Variants in CLIC4 observed in about 807,000 individuals in gnomAD.
The protein encoded by CLIC4 is chloride intracellular channel protein 4.
A neutral mutation model predicts 24.6 loss-of-function variants in CLIC4; 13 were observed. That is an observed-to-expected ratio of 0.53 (90% CI 0.34 to 0.84). The LOEUF (loss-of-function observed/expected upper bound fraction) is 0.84, where lower values mean the gene tolerates loss of function less well. Among genes scored for constraint, CLIC4 ranks in the 40% least tolerant of loss-of-function variants. The pLI, the probability that CLIC4 is intolerant of heterozygous loss-of-function variation, is 0.01. For synonymous variants in CLIC4, 104 were observed against 111.3 expected (o/e 0.93, Z 0.41); for missense variants, 227 against 301.7 (o/e 0.75, Z 1.83).
At chr1:24,827,471 T>C (rs901333276) in intron 4 of CLIC4, among the ~76,000 whole-genome samples, 1 of 151,884 alleles carries the variant, frequency 6.6e-6, no homozygotes, top group Non-Finnish European at 1.5e-5. Flanking sequence ...TTAGCATAGA[T>C]TGGTTGAGCT....
chr1:24,762,755 C>G (rs950069961), intron 1 of CLIC4, among the ~76,000 whole-genome samples: 7 of 151,932 alleles, frequency 4.6e-5, no homozygotes, highest in Admixed American at 1.3e-4. Context: ...CATAATACAG[C>G]GGGTAGAAGA....
chr1:24,790,595 G>A (rs1639323240), intron 1 of CLIC4, among the ~76,000 whole-genome samples: 1 of 152,080 alleles, frequency 6.6e-6, no homozygotes, highest in Admixed American at 6.6e-5. Context: ...TGGGGGAATG[G>A]GAGTTGCAGC....
At chr1:24,816,938 A>G (rs890496840) in intron 3 of CLIC4, among the ~76,000 whole-genome samples, 13 of 152,196 alleles carry the variant, frequency 8.5e-5, no homozygotes, top group African/African-American at 2.9e-4. Flanking sequence ...TAGCTTCAGT[A>G]TAATTCTTAA....
intron 1 of CLIC4, among the ~76,000 whole-genome samples, chr1:24,761,191 G>A (rs1638922743): frequency 6.6e-6 from 1 of 152,094 alleles, no homozygotes; most frequent in Non-Finnish European, 1.5e-5. Flanking sequence ...TAGTTCTGAT[G>A]GGGAGGAGAT....
chr1:24,787,680 C>T (rs1023124732), intron 1 of CLIC4, among the ~76,000 whole-genome samples: 7 of 150,880 alleles, frequency 4.6e-5, no homozygotes, highest in Admixed American at 1.3e-4. Flanking sequence ...GGACTACAGG[C>T]GTCTGCCACC....
At chr1:24,763,533 CAAAAAAA>C (rs33955013) in intron 1 of CLIC4, among the ~76,000 whole-genome samples, 29 of 78,960 alleles carry the variant, frequency 3.7e-4, no homozygotes, top group Non-Finnish European at 5.1e-4. Context: ...ACTCCGTCTC[CAAAAAAA>C]AAAAAAAAAA....
At chr1:24,757,135 T>A (rs6670470) in intron 1 of CLIC4, among the ~76,000 whole-genome samples, 8,583 of 152,160 alleles carry the variant, frequency 0.056, 322 homozygotes, top group Middle Eastern at 0.13. Context: ...CCTCAGGTGA[T>A]CCGCCTGCCT....
intron 1 of CLIC4, among the ~76,000 whole-genome samples, chr1:24,775,395 C>A (rs1055400877): frequency 6.6e-6 from 1 of 151,180 alleles, no homozygotes; most frequent in Non-Finnish European, 1.5e-5. Context: ...CTCATTGTCT[C>A]CTTCTGGAAC....
rs781122963 is a variant in CLIC4 at position 24,797,777 on chromosome 1, C to T, written c.108C>T (p.Pro36=). The T allele has an allele frequency of 9.3e-6, 15 of 1,613,250 alleles. No homozygotes were observed. In the African/African-American group the frequency reaches 1.6e-4, roughly 17 times the overall value. Residue 36 remains proline, a synonymous_variant, in exon 2 of 6, where the codon CCC becomes CCT. Coordinates refer to ENST00000374379, the MANE Select transcript of CLIC4 (RefSeq NM_013943.3). Reference sequence around the variant, plus strand: ...ATGGTGAAAGCATAGGAAACTGCCCCTTTTCCCAGAGGCTCTTCATGATTC... The same window carrying T: ...ATGGTGAAAGCATAGGAAACTGCCCTTTTTCCCAGAGGCTCTTCATGATTC... ...GSDGESIGNC[P]FSQRLFMILW...
At chr1:24,831,302 A>G (rs1030341289) in intron 4 of CLIC4, among the ~76,000 whole-genome samples, 81 of 152,248 alleles carry the variant, frequency 5.3e-4, no homozygotes, top group African/African-American at 1.7e-3. Context: ...GACTCAAGCA[A>G]TCCACCCAGC....
At chr1:24,771,819 T>A (rs1347061409) in intron 1 of CLIC4, 1 of 513,432 alleles carries the variant, frequency 1.9e-6, no homozygotes. Flanking sequence ...AGAACTAGAA[T>A]ATTATGTAAC....
chr1:24,797,313 C>G (rs1243140705), intron 1 of CLIC4, among the ~76,000 whole-genome samples: 1 of 151,568 alleles, frequency 6.6e-6, no homozygotes, highest in African/African-American at 2.4e-5. Context: ...GTGGCTCATG[C>G]CTGTAATCCC....
At chr1:24,825,602 G>C (rs1030095432) in intron 3 of CLIC4, among the ~76,000 whole-genome samples, 1 of 152,192 alleles carries the variant, frequency 6.6e-6, no homozygotes, top group African/African-American at 2.4e-5. Flanking sequence ...CTTAAAAAAT[G>C]AGAGCTATCT....
At chr1:24,814,292 C>A (rs1162692392) in intron 3 of CLIC4, 73 bp downstream of exon 3, 2 of 1,475,482 alleles carry the variant, frequency 1.4e-6, no homozygotes, top group African/African-American at 1.4e-5. Context: ...CAGTAGAGAT[C>A]TTTCTCGCAG....
At chr1:24,761,221 C>T (rs867250234) in intron 1 of CLIC4, among the ~76,000 whole-genome samples, 6 of 151,986 alleles carry the variant, frequency 3.9e-5, no homozygotes, top group Non-Finnish European at 5.9e-5. Flanking sequence ...AGTTTTTTGA[C>T]GTGTTAAATT....
intron 1 of CLIC4, among the ~76,000 whole-genome samples, chr1:24,749,252 AG>A (rs1638745681): frequency 6.6e-6 from 1 of 151,542 alleles, no homozygotes; most frequent in Non-Finnish European, 1.5e-5. Flanking sequence ...GAAAGTAGAG[AG>A]GGTGCAGAGG....
intron 1 of CLIC4, among the ~76,000 whole-genome samples, chr1:24,757,583 A>G (rs1638867494): frequency 6.6e-6 from 1 of 152,126 alleles, no homozygotes; most frequent in Non-Finnish European, 1.5e-5. Flanking sequence ...CTACAAAAAA[A>G]CTAAAGGTGA....
intron 1 of CLIC4, among the ~76,000 whole-genome samples, chr1:24,756,476 TTC>T (rs1296722386): frequency 2.6e-5 from 4 of 152,246 alleles, no homozygotes; most frequent in Non-Finnish European, 4.4e-5. Flanking sequence ...CAGGTTTTCT[TTC>T]TCTTTTTTTG....
chr1:24,798,935 G>C (rs1340350398), intron 2 of CLIC4, among the ~76,000 whole-genome samples: 5 of 152,372 alleles, frequency 3.3e-5, no homozygotes, highest in East Asian at 1.9e-4. Flanking sequence ...ACGGAGTCTG[G>C]TTCACTCAGT....
Sources: allele counts gnomAD v4.1 joint callset (sites outside exome capture counted in the v4.1 genomes callset), GRCh38; gene constraint gnomAD v4.1.1; transcripts MANE v1.5; gene names NCBI Gene and HGNC (gene_info 2026-07-23, HGNC 2026-07-21).